Variants in PCDHGB2 observed in about 807,000 individuals in gnomAD.
The protein encoded by PCDHGB2 is protocadherin gamma subfamily B, 2.
A neutral mutation model predicts 59.3 loss-of-function variants in PCDHGB2; 55 were observed. That is an observed-to-expected ratio of 0.93 (90% CI 0.75 to 1.16). The LOEUF (loss-of-function observed/expected upper bound fraction) is 1.16. Among genes scored for constraint, PCDHGB2 ranks in the 50% most tolerant of loss-of-function variants. PCDHGB2 has a pLI of 0.00. For synonymous variants in PCDHGB2, 516 were observed against 512.0 expected, an observed-to-expected ratio of 1.01 and a Z score of -0.11; for missense variants, 1,228 against 1,198.5, an observed-to-expected ratio of 1.02 and a Z score of -0.36.
At chr5:141,394,684 G>C in intron 1 of PCDHGB2, 1 of 1,612,090 alleles carries the variant, frequency 6.2e-7, no homozygotes, top group South Asian at 1.1e-5. Flanking sequence ...CTGCACACGG[G>C]CGAGGTGCGC....
chr5:141,365,943 G>C (rs759969199), intron 1 of PCDHGB2: 3 of 1,614,204 alleles, frequency 1.9e-6, no homozygotes, highest in Non-Finnish European at 2.5e-6. Context: ...AGCGACAGTG[G>C]GAACCCTCCA....
chr5:141,423,438 C>T lies in PCDHGB2; in HGVS notation c.2421+60882C>T, dbSNP rs2096741369. 5 of 1,613,942 alleles carry T rather than the reference C, an allele frequency of 3.1e-6. No homozygotes were observed. In the East Asian group the frequency reaches 8.9e-5, roughly 29 times the overall value. On this transcript the variant is annotated intron_variant, in intron 1 of 3. Transcript: ENST00000522605. Reference sequence around the variant, plus strand: ...CTGAAGGCGGGTTGGCAGGTATGCCCACGTCACATTTTGTAGGCGTGGACG... The same window carrying T: ...CTGAAGGCGGGTTGGCAGGTATGCCTACGTCACATTTTGTAGGCGTGGACG...
At chr5:141,427,683 G>C in intron 1 of PCDHGB2, 1 of 836,052 alleles carries the variant, frequency 1.2e-6, no homozygotes. Flanking sequence ...CCTTCCCGGA[G>C]CCTCCATCCC....
chr5:141,413,909 T>C, intron 1 of PCDHGB2: 2 of 1,613,316 alleles, frequency 1.2e-6, no homozygotes, highest in Non-Finnish European at 1.7e-6. Context: ...AACGCGCCGG[T>C]CTTCACCTTG....
chr5:141,409,345 A>T lies in PCDHGB2; in HGVS notation c.2421+46789A>T, dbSNP rs1012428329. 4 of 1,613,902 alleles carry T rather than the reference A, an allele frequency of 2.5e-6. No individual in the cohort carries two copies. In the African/African-American group the frequency reaches 5.3e-5, roughly 22 times the overall value. ...ATCTGGATTTCGGAGGAAATGGAGAAGTCAGGTGTAATATAGAAACAGACA... is the reference window on the plus strand; with the variant it reads ...ATCTGGATTTCGGAGGAAATGGAGATGTCAGGTGTAATATAGAAACAGACA... On this transcript the variant is annotated intron_variant, in intron 1 of 3. Transcript: ENST00000522605.
At chr5:141,384,961 G>A (rs774549251) in intron 1 of PCDHGB2, 1 of 1,614,096 alleles carries the variant, frequency 6.2e-7, no homozygotes, top group South Asian at 1.1e-5. Context: ...TTACAACTAT[G>A]ACCTCACGTT....
intron 1 of PCDHGB2, among the ~76,000 whole-genome samples, chr5:141,407,044 A>G (rs972892343): frequency 6.6e-6 from 1 of 152,246 alleles, no homozygotes; most frequent in African/African-American, 2.4e-5. Flanking sequence ...TGTGATCCAT[A>G]GATACACTGA....
In PCDHGB2 at chr5:141,490,455, G is replaced by A. The variant is rs746957706; in HGVS notation, c.2422-4352G>A. The A allele has an allele frequency of 9.3e-6, 15 of 1,614,010 alleles. No individual in the cohort carries two copies. The highest frequency in any genetic ancestry group is 2.2e-5 in the South Asian group (2 of 91,084). ...TTAAGCCTTCTGAGAACCACTACTC[G>A]CTGCTAACCAGCCAGCCTTTGGACC... On this transcript the variant is annotated intron_variant, in intron 1 of 3. Coordinates refer to ENST00000522605, the MANE Select transcript of PCDHGB2 (RefSeq NM_018923.3). The surrounding 1 kb of genome is among the most constrained non-coding windows in gnomAD (Gnocchi z 5.4).
intron 1 of PCDHGB2, chr5:141,374,180 T>C (rs1347088415): frequency 6.2e-7 from 1 of 1,613,682 alleles, no homozygotes; most frequent in Non-Finnish European, 8.5e-7. Context: ...GCAGATCCGC[T>C]ACTCTATTCC....
chr5:141,360,880 G>C lies in PCDHGB2; in HGVS notation c.745G>C (p.Val249Leu). Reference protein sequence around the residue: ...PPVFSQDVYRVTLREDVPPGF... With the variant: ...PPVFSQDVYRLTLREDVPPGF... Reference sequence around the variant, plus strand: ...AGTGTTCAGCCAGGACGTGTACAGGGTCACCCTGAGGGAGGACGTGCCGCC... The same window carrying C: ...AGTGTTCAGCCAGGACGTGTACAGGCTCACCCTGAGGGAGGACGTGCCGCC... Residue 249 changes from valine (V) to leucine (L), a missense_variant, in exon 1 of 4, where the codon GTC becomes CTC. Around this residue, in one of 3 missense-constraint regions of PCDHGB2, gnomAD observed 781 missense variants for 721.6 expected, o/e 1.08. Transcript: ENST00000522605. 6.2e-7 allele frequency: 1 copy of C among 1,614,004 alleles called. No individual in the cohort carries two copies. Among genetic ancestry groups the C allele is most frequent in the Non-Finnish European group, 8.5e-7 (1 of 1,179,894 alleles).
chr5:141,415,740 G>GTTTTTTTTTTTTTTTTTTTGTTT, intron 1 of PCDHGB2: 1 of 617,992 alleles, frequency 1.6e-6, no homozygotes, highest in Non-Finnish European at 2.1e-6. Flanking sequence ...GTTTATTAAG[G>GTTTTTTTTTTTTTTTTTTTGTTT]TTTTTTTTTT....
Position 141,486,558 on chromosome 5 carries a change from T to C in PCDHGB2, c.2422-8249T>C, listed in dbSNP as rs544575797. 1 of 1,614,034 alleles carries C rather than the reference T, an allele frequency of 6.2e-7. No homozygotes were observed. Among genetic ancestry groups the C allele is most frequent in the Non-Finnish European group, 8.5e-7 (1 of 1,180,012 alleles). ...TCTTTCTTTCAGAGGTCACATGAGG[T>C]GTTTGTTCCTGAGAACAATCGCCCA... On this transcript the variant is annotated intron_variant, in intron 1 of 3. Coordinates refer to ENST00000522605, the MANE Select transcript of PCDHGB2 (RefSeq NM_018923.3). This position sits in a 1 kb window ranked among gnomAD's most constrained non-coding sequence, Gnocchi z 5.0.
At position 141,490,960 on chromosome 5, in the gene PCDHGB2, T is replaced by G. The variant is rs1384140919; in HGVS notation, c.2422-3847T>G. 1.9e-6 allele frequency: 3 copies of G among 1,613,794 alleles called. No individual in the cohort carries two copies. In the Admixed American group the frequency reaches 5.0e-5, roughly 27 times the overall value. On this transcript the variant is annotated intron_variant, in intron 1 of 3. Transcript: ENST00000522605. The surrounding 1 kb of genome is among the most constrained non-coding windows in gnomAD (Gnocchi z 5.4). ...GCACCCACGGCCAGACTGGGAACAC[T>G]CAGCCCCCCAGCGTCTCCCTCGCTC...
At chr5:141,433,605 G>A (rs1411907056) in intron 1 of PCDHGB2, among the ~76,000 whole-genome samples, 1 of 152,114 alleles carries the variant, frequency 6.6e-6, no homozygotes, top group South Asian at 2.1e-4. Context: ...GGAGGCCGAG[G>A]CGGGTGGATC....
At chr5:141,422,111 T>A (rs763658255) in intron 1 of PCDHGB2, 1 of 1,606,408 alleles carries the variant, frequency 6.2e-7, no homozygotes, top group Admixed American at 1.7e-5. Context: ...ATATTCCAAT[T>A]GGATTCACAA....
In PCDHGB2 at chr5:141,511,296, A is replaced by C; in HGVS notation, c.*123A>C. 1 of 1,505,968 alleles carries C rather than the reference A, an allele frequency of 6.6e-7. No individual in the cohort carries two copies. The allele number at this position is 1,505,968 out of a possible 1,614,324, so 93.3% of individuals were successfully genotyped here. On this transcript the variant is annotated 3_prime_UTR_variant, in exon 4 of 4. Coordinates refer to ENST00000522605, the MANE Select transcript of PCDHGB2 (RefSeq NM_018923.3). ...CAGAATACTGGTAGGGGCCAAGGCCATGCTCCCCTTGGGAAACAGAAACAA... is the reference window on the plus strand; with the variant it reads ...CAGAATACTGGTAGGGGCCAAGGCCCTGCTCCCCTTGGGAAACAGAAACAA...
Position 141,491,324 on chromosome 5 carries a change from T to C in PCDHGB2, c.2422-3483T>C, listed in dbSNP as rs762200164. 16 of 1,614,060 alleles carry C rather than the reference T, an allele frequency of 9.9e-6. No homozygotes were observed. The highest frequency in any genetic ancestry group is 8.3e-5 in the Admixed American group (5 of 60,010). On this transcript the variant is annotated intron_variant, in intron 1 of 3. Transcript: ENST00000522605. This position sits in a 1 kb window ranked among gnomAD's most constrained non-coding sequence, Gnocchi z 6.9. ...CGTTCAGACCTTACCCTTTACCTCA[T>C]TGTGGCTCTAGCGACCGTCAGTCTC...
chr5:141,361,284 C>T lies in PCDHGB2; in HGVS notation c.1149C>T (p.Tyr383=). The stretch of plus-strand genomic sequence containing the variant: ...ACTCTGGAGAAAATGGAGAAGTTTA[C>T]TGCCAAGTGTTGGGAAATGCCAAGT... The part of the protein sequence containing the change: ...DRDSGENGEV[Y]CQVLGNAKFI... Residue 383 remains tyrosine (Y), a synonymous_variant, in exon 1 of 4, where the codon TAC becomes TAT. Coordinates refer to ENST00000522605, the MANE Select transcript of PCDHGB2 (RefSeq NM_018923.3). 6.2e-7 allele frequency: 1 copy of T among 1,614,018 alleles called. No homozygotes were observed. The highest frequency in any genetic ancestry group is 8.5e-7 in the Non-Finnish European group (1 of 1,179,898).
chr5:141,422,298 T>G, intron 1 of PCDHGB2: 1 of 1,549,054 alleles, frequency 6.5e-7, no homozygotes, highest in Non-Finnish European at 8.7e-7. Flanking sequence ...TTAATTCAAT[T>G]CTGGAAAACT....
Sources: gnomAD v4.1 joint callset for allele counts (sites outside exome capture counted in the v4.1 genomes callset) on GRCh38, gnomAD v4.1.1 for gene constraint, gnomAD v4.1.1 regional missense constraint, Gnocchi (gnomAD v3.1) non-coding constraint, MANE v1.5 for transcripts, NCBI Gene and HGNC (gene_info 2026-07-23, HGNC 2026-07-21) for gene names.